The following KHDRBS2 variants were observed in gnomAD, a reference collection of about 807,000 sequenced individuals.
KHDRBS2 encodes the protein KH domain-containing, RNA-binding, signal transduction-associated protein 2.
Under a neutral mutation model 44.3 loss-of-function variants are expected in KHDRBS2, and 26 were observed. The ratio of observed to expected loss-of-function variants is 0.59; its 90% CI spans 0.43 to 0.81. The LOEUF is 0.81. Ranked by LOEUF, KHDRBS2 falls within the 40% of genes least tolerant of loss-of-function variation. KHDRBS2 has a pLI of 0.00. For synonymous variants in KHDRBS2, 194 were observed against 151.1 expected (o/e 1.28, Z -2.08); for missense variants, 476 against 433.1 (o/e 1.10, Z -0.88).
chr6:62,223,623 A>T (rs1042438117), intron 1 of KHDRBS2, among the ~76,000 whole-genome samples: 23 of 152,148 alleles, frequency 1.5e-4, no homozygotes, highest in African/African-American at 5.3e-4. Context: ...TCCCTTATAA[A>T]AATGAATGCT....
At chr6:62,017,010 A>G (rs1484809502) in intron 3 of KHDRBS2, among the ~76,000 whole-genome samples, 1 of 152,202 alleles carries the variant, frequency 6.6e-6, no homozygotes, top group African/African-American at 2.4e-5. Context: ...TGGTAGAATC[A>G]ATCTGTTTTT....
chr6:61,929,303 G>A (rs1451892170), intron 4 of KHDRBS2, among the ~76,000 whole-genome samples: 1 of 152,150 alleles, frequency 6.6e-6, no homozygotes, highest in African/African-American at 2.4e-5. Flanking sequence ...TTGTACTATA[G>A]TAGTAAAGTC....
intron 2 of KHDRBS2, among the ~76,000 whole-genome samples, chr6:62,079,466 T>C (rs1342486643): frequency 2.6e-5 from 4 of 152,024 alleles, no homozygotes; most frequent in Admixed American, 2.0e-4. Flanking sequence ...CATTTGTCAC[T>C]GCAGAAAATT....
At chr6:61,663,500 C>CATAT in the KHDRBS2 span, among the ~76,000 whole-genome samples, 2,730 of 35,970 alleles carry the variant, frequency 0.076, 810 homozygotes, top group African/African-American at 0.21. Flanking sequence ...CATGAGACAC[C>CATAT]ATATATATAT....
intron 4 of KHDRBS2, among the ~76,000 whole-genome samples, chr6:61,946,142 G>C (rs1266479799): frequency 6.6e-6 from 1 of 152,116 alleles, no homozygotes; most frequent in South Asian, 2.1e-4. Context: ...AAATCTTAAA[G>C]ACCAGATAAT....
At chr6:62,226,952 T>G (rs889304091) in intron 1 of KHDRBS2, among the ~76,000 whole-genome samples, 1 of 152,232 alleles carries the variant, frequency 6.6e-6, no homozygotes, top group African/African-American at 2.4e-5. Context: ...TGAAATCAGA[T>G]AGCATGATGA....
intron 6 of KHDRBS2, among the ~76,000 whole-genome samples, chr6:61,806,554 T>C (rs1355636274): frequency 1.3e-5 from 2 of 152,192 alleles, no homozygotes; most frequent in Non-Finnish European, 2.9e-5. Flanking sequence ...AGGAGATAAG[T>C]GGACTTCATT....
At chr6:61,569,203 C>T in the KHDRBS2 span, among the ~76,000 whole-genome samples, 1 of 152,056 alleles carries the variant, frequency 6.6e-6, no homozygotes, top group African/African-American at 2.4e-5. Flanking sequence ...GGTCTGAGAA[C>T]CACCCTCCCG....
chr6:62,180,732 C>A (rs1430030069), intron 1 of KHDRBS2, among the ~76,000 whole-genome samples: 5 of 151,546 alleles, frequency 3.3e-5, no homozygotes, highest in Non-Finnish European at 5.9e-5. Flanking sequence ...CTTCAAATGG[C>A]CAAAGTAATT....
chr6:61,974,976 AT>A (rs1772249380), intron 4 of KHDRBS2, among the ~76,000 whole-genome samples: 2 of 150,300 alleles, frequency 1.3e-5, no homozygotes, highest in African/African-American at 2.5e-5. Context: ...AAATAAATAA[AT>A]AAATAAAAGA....
chr6:62,080,277 C>T (rs1232276182), intron 2 of KHDRBS2, among the ~76,000 whole-genome samples: 1 of 151,986 alleles, frequency 6.6e-6, no homozygotes, highest in Admixed American at 6.6e-5. Flanking sequence ...TTACTTAGTT[C>T]TTAAGACAGC....
chr6:61,664,568 C>T, the KHDRBS2 span, among the ~76,000 whole-genome samples: 7 of 151,760 alleles, frequency 4.6e-5, no homozygotes, highest in Middle Eastern at 6.8e-3. Context: ...GCCATCTTCT[C>T]CTTCCTGTAC....
chr6:61,646,025 T>C, the KHDRBS2 span, among the ~76,000 whole-genome samples: 1 of 152,160 alleles, frequency 6.6e-6, no homozygotes, highest in Non-Finnish European at 1.5e-5. Flanking sequence ...AGTTATTTAA[T>C]CTCTGAGTCT....
At chr6:61,758,364 T>C (rs941122122) in intron 6 of KHDRBS2, among the ~76,000 whole-genome samples, 6 of 151,942 alleles carry the variant, frequency 3.9e-5, no homozygotes, top group African/African-American at 1.2e-4. Flanking sequence ...CCATCTAACC[T>C]TTATTCTGCT....
the KHDRBS2 span, among the ~76,000 whole-genome samples, chr6:61,549,386 AT>A: frequency 6.6e-6 from 1 of 152,168 alleles, no homozygotes. Flanking sequence ...GATTATTTCA[AT>A]TGTTTATCAT....
At chr6:61,576,785 C>A in the KHDRBS2 span, among the ~76,000 whole-genome samples, 1 of 152,120 alleles carries the variant, frequency 6.6e-6, no homozygotes, top group East Asian at 1.9e-4. Context: ...TTTCATCATC[C>A]TCCTTTGTAA....
intron 6 of KHDRBS2, among the ~76,000 whole-genome samples, chr6:61,738,144 T>A (rs1775656555): frequency 6.6e-6 from 1 of 152,040 alleles, no homozygotes; most frequent in African/African-American, 2.4e-5. Flanking sequence ...ATTAGTATAT[T>A]TCTACTAAAA....
intron 4 of KHDRBS2, among the ~76,000 whole-genome samples, chr6:61,905,855 T>C (rs1245972214): frequency 5.7e-5 from 2 of 34,894 alleles, no homozygotes; most frequent in African/African-American, 2.2e-4. Context: ...AAAACTTTTC[T>C]TTTTTTTTTT....
chr6:62,110,990 A>T (rs1206133174), intron 2 of KHDRBS2, among the ~76,000 whole-genome samples: 1 of 152,142 alleles, frequency 6.6e-6, no homozygotes, highest in Non-Finnish European at 1.5e-5. Context: ...GACCTTTATA[A>T]TAACTCCATT....
Sources: gnomAD v4.1 joint callset for allele counts (sites outside exome capture counted in the v4.1 genomes callset) on GRCh38, gnomAD v4.1.1 for gene constraint, MANE v1.5 for transcripts, NCBI Gene and HGNC (gene_info 2026-07-23, HGNC 2026-07-21) for gene names.